Variants in FNBP1 observed in about 807,000 individuals in gnomAD.
FNBP1 encodes formin binding protein 1.
FNBP1 carries 26 observed loss-of-function variants against 90.6 expected under a neutral mutation model. That is an observed-to-expected ratio of 0.29 (90% CI 0.21 to 0.40). FNBP1 has a LOEUF of 0.40. FNBP1 is among the 10% of genes least tolerant of loss of function. The pLI is 1.00. For missense variants in FNBP1, 635 were observed against 768.0 expected (o/e 0.83, Z 2.05); for synonymous variants, 260 against 265.2 (o/e 0.98, Z 0.19).
At chr9:129,956,497 T>C (rs1244177907) in intron 6 of FNBP1, among the ~76,000 whole-genome samples, 1 of 152,234 alleles carries the variant, frequency 6.6e-6, no homozygotes, top group East Asian at 1.9e-4. Context: ...AAAACGCATA[T>C]TGAGCCACAA....
At position 129,887,563 on chromosome 9, in the gene FNBP1, G is replaced by C. The variant is rs1023210987; in HGVS notation, c.*2976C>G. ...TAAACTTTCTTCTGCAATGACGGAT[G>C]TTACCAAAAGGCATCGAGACCTTTG... On this transcript the variant is annotated 3_prime_UTR_variant, in exon 17 of 17. Coordinates refer to ENST00000446176, the MANE Select transcript of FNBP1 (RefSeq NM_015033.3). 1 of 213,128 alleles carries C rather than the reference G, an allele frequency of 4.7e-6. No homozygotes were observed. The highest frequency in any genetic ancestry group is 9.5e-6 in the Non-Finnish European group (1 of 105,532). 13.2% of individuals were successfully genotyped at this position (213,128 alleles called of 1,614,324 possible).
chr9:129,941,303 C>T (rs908407281), intron 6 of FNBP1, among the ~76,000 whole-genome samples: 3 of 152,122 alleles, frequency 2.0e-5, no homozygotes, highest in African/African-American at 4.8e-5. Context: ...GCAGGAGAAT[C>T]ACTTGAACAT....
intron 12 of FNBP1, among the ~76,000 whole-genome samples, chr9:129,903,327 T>C (rs773028754): frequency 1.1e-4 from 17 of 151,922 alleles, no homozygotes; most frequent in Non-Finnish European, 1.5e-4. Context: ...GCTGGGATTA[T>C]AGGCGTGAGC....
chr9:129,953,107 G>A (rs2046413944), intron 6 of FNBP1, among the ~76,000 whole-genome samples: 1 of 152,130 alleles, frequency 6.6e-6, no homozygotes, highest in Non-Finnish European at 1.5e-5. Flanking sequence ...TCTAAAAACT[G>A]ACTGTGTACT....
At chr9:129,947,173 G>A (rs748009299) in intron 6 of FNBP1, among the ~76,000 whole-genome samples, 3 of 152,138 alleles carry the variant, frequency 2.0e-5, no homozygotes, top group African/African-American at 7.2e-5. Context: ...GGGCACGGTG[G>A]CTCACGCCTG....
chr9:129,897,378 T>C (rs1056444004), intron 15 of FNBP1, among the ~76,000 whole-genome samples: 1 of 152,016 alleles, frequency 6.6e-6, no homozygotes, highest in Admixed American at 6.6e-5. Flanking sequence ...TGGGGGATGG[T>C]TGGAATATGA....
intron 1 of FNBP1, among the ~76,000 whole-genome samples, chr9:130,028,148 C>T (rs1259276868): frequency 6.6e-6 from 1 of 152,204 alleles, no homozygotes; most frequent in Non-Finnish European, 1.5e-5. Flanking sequence ...GTATAAGTCC[C>T]TTCTCACCCA....
At chr9:130,043,310 C>A (rs939781395), upstream of FNBP1, 1 of 193,970 alleles carries the variant, frequency 5.2e-6, no homozygotes, top group Non-Finnish European at 1.0e-5. Context: ...CGGCCCCCTC[C>A]CCCGGGCTCC....
intron 8 of FNBP1, among the ~76,000 whole-genome samples, chr9:129,926,347 AT>A (rs2041907210): frequency 6.6e-6 from 1 of 152,002 alleles, no homozygotes; most frequent in African/African-American, 2.4e-5. Flanking sequence ...TCTAGTTTAT[AT>A]TTTTTTGAGA....
At chr9:129,892,888 A>C in intron 16 of FNBP1, among the ~76,000 whole-genome samples, 1 of 152,286 alleles carries the variant, frequency 6.6e-6, no homozygotes, top group East Asian at 1.9e-4. Context: ...TATGTGCCCA[A>C]ACCCCTCCCA....
Position 129,890,117 on chromosome 9 carries a change from T to C in FNBP1, c.*422A>G, listed in dbSNP as rs893721325. 7 of 296,120 alleles carry C rather than the reference T, an allele frequency of 2.4e-5. No homozygotes were observed. Among genetic ancestry groups the C allele is most frequent in the African/African-American group, 1.3e-4 (6 of 46,840 alleles). 18.3% of individuals were successfully genotyped at this position (296,120 alleles called of 1,614,324 possible). On this transcript the variant is annotated 3_prime_UTR_variant, in exon 17 of 17. Transcript: ENST00000446176. This position sits in a 1 kb window ranked among gnomAD's most constrained non-coding sequence, Gnocchi z 5.8. ...GACATCGAGTGCTCAGTCCGCCTGA[T>C]GTGCGCTGGACCTGCCTTGTCTCCT...
intron 1 of FNBP1, among the ~76,000 whole-genome samples, chr9:130,003,127 CA>C (rs60612382): frequency 6.6e-6 from 1 of 151,776 alleles, no homozygotes; most frequent in African/African-American, 2.4e-5. Context: ...TCATTAAGTT[CA>C]AAAAAAAAAT....
chr9:129,915,893 G>T, intron 11 of FNBP1, 73 bp downstream of exon 11: 1 of 1,034,426 alleles, frequency 9.7e-7, no homozygotes, highest in Non-Finnish European at 1.5e-6. Flanking sequence ...CGTTGTGCAT[G>T]GCATAGCATT....
At chr9:129,968,974 C>T (rs566229620) in intron 4 of FNBP1, among the ~76,000 whole-genome samples, 139 of 152,294 alleles carry the variant, frequency 9.1e-4, no homozygotes, top group African/African-American at 3.2e-3. Flanking sequence ...ACAAATTTCT[C>T]ATATATGATT....
At chr9:130,053,647 G>A in the FNBP1 span, 2 of 479,754 alleles carry the variant, frequency 4.2e-6, no homozygotes, top group South Asian at 4.7e-5. Context: ...CAGCGAGGCG[G>A]AGGTGCGGCC....
chr9:130,036,927 C>A (rs2059367998), intron 1 of FNBP1, among the ~76,000 whole-genome samples: 1 of 151,932 alleles, frequency 6.6e-6, no homozygotes, highest in Non-Finnish European at 1.5e-5. Context: ...CGCCTGTAGT[C>A]CCAGCTACTC....
chr9:129,932,097 G>C (rs2042843168), intron 6 of FNBP1, among the ~76,000 whole-genome samples: 1 of 151,780 alleles, frequency 6.6e-6, no homozygotes, highest in South Asian at 2.1e-4. Flanking sequence ...TTTAGTCCCA[G>C]CTACTTGGGA....
chr9:129,903,310 C>T (rs551490491), intron 12 of FNBP1, among the ~76,000 whole-genome samples: 167 of 152,214 alleles, frequency 1.1e-3, no homozygotes, highest in Non-Finnish European at 2.1e-3. Flanking sequence ...CCTCAGCCTC[C>T]TAAAGTGCTG....
intron 2 of FNBP1, among the ~76,000 whole-genome samples, chr9:129,989,357 T>C (rs1320809373): frequency 6.6e-6 from 1 of 152,218 alleles, no homozygotes; most frequent in Non-Finnish European, 1.5e-5. Flanking sequence ...GGCACCTTGT[T>C]GTTCTACTTT....
Sources: allele counts gnomAD v4.1 joint callset (sites outside exome capture counted in the v4.1 genomes callset), GRCh38; gene constraint gnomAD v4.1.1; non-coding constraint Gnocchi (gnomAD v3.1); transcripts MANE v1.5; gene names NCBI Gene and HGNC (gene_info 2026-07-23, HGNC 2026-07-21).